Variants in CNTNAP4 observed in about 807,000 individuals in gnomAD.
CNTNAP4 encodes the protein contactin associated protein family member 4, also known as contactin-associated protein-like 4.
CNTNAP4 carries 98 observed loss-of-function variants against 148.4 expected under a neutral mutation model. That is an observed-to-expected ratio of 0.66 (90% confidence interval 0.56 to 0.78). The LOEUF (loss-of-function observed/expected upper bound fraction) is 0.78, where lower values mean the gene tolerates loss of function less well. CNTNAP4 is among the 30% of genes least tolerant of loss of function. CNTNAP4 has a pLI of 0.00. For missense variants in CNTNAP4, 1,935 were observed against 1,565.6 expected, an observed-to-expected ratio of 1.24 and a Z score of -3.98; for synonymous variants, 730 against 565.1, an observed-to-expected ratio of 1.29 and a Z score of -4.14.
Position 76,448,404 on chromosome 16 carries a change from G to A in CNTNAP4, c.742+189G>A, listed in dbSNP as rs201215603. 1.7e-3 allele frequency among the ~76,000 whole-genome samples: 169 copies of A among 98,700 alleles called. 1 individual carries two copies. Among genetic ancestry groups the A allele is most frequent in the African/African-American group, 5.9e-3 (159 of 27,136 alleles). The allele number at this position is 98,700 out of a possible 152,430, so 64.8% of individuals were successfully genotyped here. A position where few individuals can be genotyped will look rare whatever the true frequency, so the allele number is the denominator to read the frequency against. On this transcript the variant is annotated intron_variant, in intron 5 of 23. Transcript: ENST00000611870. ...TTTTGCAAATTGCACAAAATCTTCA[G>A]TGTTTTTTTACATAGTGCTGATAGA...
intron 2 of CNTNAP4, among the ~76,000 whole-genome samples, chr16:76,333,230 G>C (rs1963697595): frequency 6.6e-6 from 1 of 152,144 alleles, no homozygotes; most frequent in Non-Finnish European, 1.5e-5. Flanking sequence ...TGAGATGTTT[G>C]AGTGGACCTT....
chr16:76,491,491 G>C (rs1337489683), intron 13 of CNTNAP4, among the ~76,000 whole-genome samples: 5 of 152,220 alleles, frequency 3.3e-5, no homozygotes, highest in South Asian at 2.1e-4. Context: ...CACGTACAAA[G>C]TGCATGGCAT....
At chr16:76,459,493 T>C (rs1014720888) in intron 8 of CNTNAP4, among the ~76,000 whole-genome samples, 5 of 152,198 alleles carry the variant, frequency 3.3e-5, no homozygotes, top group Admixed American at 3.3e-4. Flanking sequence ...TTCTGTGCCC[T>C]GGCTAAAATT....
At chr16:76,469,270 G>A (rs569763530) in intron 10 of CNTNAP4, among the ~76,000 whole-genome samples, 38 of 152,322 alleles carry the variant, frequency 2.5e-4, no homozygotes, top group African/African-American at 7.5e-4. Flanking sequence ...GAATTTAGAC[G>A]TTAAACCTCA....
At chr16:76,465,617 T>C (rs1049436522) in intron 9 of CNTNAP4, among the ~76,000 whole-genome samples, 4 of 152,204 alleles carry the variant, frequency 2.6e-5, no homozygotes, top group African/African-American at 7.2e-5. Flanking sequence ...CAAAATATTA[T>C]TGAACTATTA....
intron 4 of CNTNAP4, among the ~76,000 whole-genome samples, chr16:76,445,909 T>C (rs1342159585): frequency 1.3e-5 from 2 of 152,212 alleles, no homozygotes; most frequent in Non-Finnish European, 2.9e-5. Flanking sequence ...TTTATTGTAA[T>C]CTAATAATCA....
intron 3 of CNTNAP4, among the ~76,000 whole-genome samples, chr16:76,397,267 C>CA (rs962669392): frequency 1.3e-5 from 2 of 151,566 alleles, no homozygotes; most frequent in East Asian, 1.9e-4. Flanking sequence ...TGGTAGAAGA[C>CA]AAAAAATGAA....
At chr16:76,362,984 G>A (rs2013625049) in intron 3 of CNTNAP4, among the ~76,000 whole-genome samples, 1 of 151,876 alleles carries the variant, frequency 6.6e-6, no homozygotes, top group Admixed American at 6.6e-5. Flanking sequence ...AGCATTTTGG[G>A]AGGAGGAGGA....
At chr16:76,510,725 T>C (rs887975687) in intron 15 of CNTNAP4, among the ~76,000 whole-genome samples, 1 of 152,208 alleles carries the variant, frequency 6.6e-6, no homozygotes, top group Non-Finnish European at 1.5e-5. Context: ...AAAAATTTTC[T>C]CAACAGGGCT....
At chr16:76,372,445 G>A (rs955566125) in intron 3 of CNTNAP4, among the ~76,000 whole-genome samples, 3 of 151,950 alleles carry the variant, frequency 2.0e-5, no homozygotes, top group African/African-American at 7.3e-5. Context: ...ACCGTGCCCT[G>A]CTGGTCCCAC....
intron 1 of CNTNAP4, among the ~76,000 whole-genome samples, chr16:76,310,334 C>G (rs1484433420): frequency 1.3e-5 from 2 of 152,076 alleles, no homozygotes; most frequent in African/African-American, 4.8e-5. Flanking sequence ...TCTTGACTAA[C>G]AAGTAATATT....
chr16:76,373,928 A>G (rs1040854335), intron 3 of CNTNAP4, among the ~76,000 whole-genome samples: 1 of 151,738 alleles, frequency 6.6e-6, no homozygotes, highest in African/African-American at 2.4e-5. Context: ...AAGGAAAGGA[A>G]ACAGGAAGCC....
chr16:76,342,527 C>T (rs1270424125), intron 2 of CNTNAP4, among the ~76,000 whole-genome samples: 1 of 125,564 alleles, frequency 8.0e-6, no homozygotes, highest in Middle Eastern at 7.5e-3. Context: ...GGTTGGAGTG[C>T]AGTGGTGCAA....
intron 1 of CNTNAP4, among the ~76,000 whole-genome samples, chr16:76,312,277 G>T (rs1961209474): frequency 6.6e-6 from 1 of 152,160 alleles, no homozygotes; most frequent in Admixed American, 6.5e-5. Flanking sequence ...TGACAAAAGT[G>T]TCTTCAGATA....
At chr16:76,471,751 G>A (rs1306144380) in intron 10 of CNTNAP4, among the ~76,000 whole-genome samples, 1 of 152,130 alleles carries the variant, frequency 6.6e-6, no homozygotes, top group African/African-American at 2.4e-5. Context: ...TCCGCCTCCT[G>A]TAATACTGAA....
chr16:76,538,823 A>G (rs191716625), intron 19 of CNTNAP4, among the ~76,000 whole-genome samples: 2 of 152,032 alleles, frequency 1.3e-5, no homozygotes, highest in African/African-American at 4.8e-5. Context: ...TGGGAAAAAA[A>G]TGTTATATCC....
intron 3 of CNTNAP4, among the ~76,000 whole-genome samples, chr16:76,369,101 G>C (rs1488384428): frequency 1.3e-5 from 2 of 150,562 alleles, no homozygotes; most frequent in Admixed American, 1.3e-4. Flanking sequence ...AGGAAAAAAT[G>C]ATATATAAAT....
At chr16:76,365,387 G>C (rs1447894873) in intron 3 of CNTNAP4, among the ~76,000 whole-genome samples, 1 of 152,054 alleles carries the variant, frequency 6.6e-6, no homozygotes, top group Non-Finnish European at 1.5e-5. Context: ...GAAATTTAAA[G>C]TATTTTTTGC....
At chr16:76,301,245 C>G (rs1959933491) in intron 1 of CNTNAP4, among the ~76,000 whole-genome samples, 2 of 152,106 alleles carry the variant, frequency 1.3e-5, no homozygotes, top group Admixed American at 1.3e-4. Flanking sequence ...AACAAAATGA[C>G]AAATGGTGGC....
Sources: gnomAD v4.1 joint callset for allele counts (sites outside exome capture counted in the v4.1 genomes callset) on GRCh38, gnomAD v4.1.1 for gene constraint, MANE v1.5 for transcripts, NCBI Gene and HGNC (gene_info 2026-07-23, HGNC 2026-07-21) for gene names.